Variants in USP31 observed in about 807,000 individuals in gnomAD.
The protein encoded by USP31 is ubiquitin specific peptidase 31, also known as ubiquitin carboxyl-terminal hydrolase 31.
USP31 carries 44 observed loss-of-function variants against 119.4 expected under a neutral mutation model. That is an observed-to-expected ratio of 0.37 (90% confidence interval 0.29 to 0.47). The LOEUF (loss-of-function observed/expected upper bound fraction) is 0.47, where lower values mean the gene tolerates loss of function less well. Ranked by LOEUF, USP31 falls within the 20% of genes least tolerant of loss-of-function variation. USP31 has a pLI of 0.99. For missense variants in USP31, 1,643 were observed against 1,730.2 expected, an observed-to-expected ratio of 0.95 and a Z score of 0.89; for synonymous variants, 749 against 705.6, an observed-to-expected ratio of 1.06 and a Z score of -0.97.
At chr16:23,118,765 C>T (rs1902575450) in intron 1 of USP31, among the ~76,000 whole-genome samples, 1 of 152,130 alleles carries the variant, frequency 6.6e-6, no homozygotes, top group African/African-American at 2.4e-5. Context: ...AGTGCTTATA[C>T]TGTATCAGGC....
chr16:23,126,317 C>CT (rs1902851017), intron 1 of USP31, among the ~76,000 whole-genome samples: 1 of 116,814 alleles, frequency 8.6e-6, no homozygotes, highest in Admixed American at 9.8e-5. Flanking sequence ...GACCCTGTCT[C>CT]TTTAAAAAAA....
chr16:23,085,611 G>C lies in USP31; in HGVS notation c.1674C>G (p.Val558=), dbSNP rs370735827. 17 of 1,613,882 alleles carry C rather than the reference G, an allele frequency of 1.1e-5. No individual in the cohort carries two copies. The African/African-American group carries it at 2.0e-4, about 19-fold the overall frequency. The part of the protein sequence containing the change: ...PGGTAHVKLV[V]EWDKETRDFL... ...AATCTCTTGTCTCCTTGTCCCACTCGACTACTAATTTCACATGAGCAGTGC... is the reference window on the plus strand; with the variant it reads ...AATCTCTTGTCTCCTTGTCCCACTCCACTACTAATTTCACATGAGCAGTGC... Residue 558 remains valine, a synonymous_variant, in exon 10 of 16, where the codon GTC becomes GTG. Transcript: ENST00000219689.
At chr16:23,147,849 C>A (rs1300775921) in intron 1 of USP31, among the ~76,000 whole-genome samples, 1 of 152,064 alleles carries the variant, frequency 6.6e-6, no homozygotes, top group Non-Finnish European at 1.5e-5. Context: ...GAAGGTGAGG[C>A]GGGAGGATTG....
At chr16:23,093,678 G>C (rs544192807) in intron 6 of USP31, among the ~76,000 whole-genome samples, 1 of 152,126 alleles carries the variant, frequency 6.6e-6, no homozygotes, top group South Asian at 2.1e-4. Flanking sequence ...CCATTCCTAG[G>C]TACATACCCA....
At chr16:23,134,530 C>T (rs1355970194) in intron 1 of USP31, among the ~76,000 whole-genome samples, 1 of 151,986 alleles carries the variant, frequency 6.6e-6, no homozygotes, top group African/African-American at 2.4e-5. Context: ...AGTGGTGCAG[C>T]CAGGATTTGA....
At chr16:23,132,894 CCTT>C (rs1405669507) in intron 1 of USP31, among the ~76,000 whole-genome samples, 1 of 152,178 alleles carries the variant, frequency 6.6e-6, no homozygotes, top group Admixed American at 6.5e-5. Context: ...ATCTCCTCCT[CCTT>C]ATCCACTCTT....
chr16:23,118,701 C>G (rs1902573520), intron 1 of USP31, among the ~76,000 whole-genome samples: 1 of 152,196 alleles, frequency 6.6e-6, no homozygotes, highest in Non-Finnish European at 1.5e-5. Context: ...TCCCCAATAC[C>G]TAGCAAATAC....
chr16:23,071,667 C>T (rs760668976), intron 15 of USP31, among the ~76,000 whole-genome samples: 3 of 151,680 alleles, frequency 2.0e-5, no homozygotes, highest in Non-Finnish European at 2.9e-5. Flanking sequence ...AGCCTGGAGC[C>T]GACTCCCCAC....
Position 23,064,835 on chromosome 16 carries a change from T to A in USP31, c.*3211A>T, listed in dbSNP as rs1900000859. ...CCATAAACGTTTGCAGAATGAATGA[T>A]GAAAACAAGATTGCAAAAGCGTGTC... On this transcript the variant is annotated 3_prime_UTR_variant, in exon 16 of 16. Coordinates refer to ENST00000219689, the MANE Select transcript of USP31 (RefSeq NM_020718.4). 1 of 138,660 alleles carries A rather than the reference T, an allele frequency of 7.2e-6. No individual in the cohort carries two copies. The highest frequency in any genetic ancestry group is 2.5e-5 in the African/African-American group (1 of 39,818). 8.6% of individuals were successfully genotyped at this position (138,660 alleles called of 1,614,324 possible). A position where few individuals can be genotyped will look rare whatever the true frequency, so the allele number is the denominator to read the frequency against.
At position 23,069,537 on chromosome 16, in the gene USP31, C is replaced by G. The variant is rs763759627; in HGVS notation, c.2568G>C (p.Leu856Phe). The G allele has an allele frequency of 2.4e-5, 38 of 1,614,002 alleles. No homozygotes were observed. Among genetic ancestry groups the G allele is most frequent in the Non-Finnish European group, 3.2e-5 (38 of 1,179,998 alleles). ...GTCTCATGCAATTTTCATTGACGGCCAAGGGGCTGGTGACAGAAGATCTGG... is the reference window on the plus strand; with the variant it reads ...GTCTCATGCAATTTTCATTGACGGCGAAGGGGCTGGTGACAGAAGATCTGG... ...LSSRSSVTSPLAVNENCMRPS... is the reference protein window; with the variant it reads ...LSSRSSVTSPFAVNENCMRPS... The change falls in exon 16 of 16, where the codon TTG (leucine) becomes TTC (phenylalanine). Residue 856 changes from leucine (L) to phenylalanine (F), a missense_variant. By Grantham distance (22) the Leu-to-Phe change is conservative. Coordinates refer to ENST00000219689, the MANE Select transcript of USP31 (RefSeq NM_020718.4).
intron 6 of USP31, among the ~76,000 whole-genome samples, chr16:23,101,916 A>G (rs531675945): frequency 2.0e-5 from 3 of 151,792 alleles, no homozygotes; most frequent in South Asian, 2.1e-4. Context: ...AGCAGGTACC[A>G]AGAAAACATT....
At position 23,148,783 on chromosome 16, in the gene USP31, G is replaced by A. The variant is rs753634637; in HGVS notation, c.488C>T (p.Ala163Val). 1.3e-6 allele frequency: 2 copies of A among 1,534,996 alleles called. No homozygotes were observed. Among genetic ancestry groups the A allele is most frequent in the African/African-American group, 1.4e-5 (1 of 69,540 alleles). Residue 163 changes from alanine (A) to valine (V), a missense_variant, in exon 1 of 16, where the codon GCG (alanine) becomes GTG (valine). Physicochemically the swap from Ala to Val is moderately conservative, Grantham distance 64. Coordinates refer to ENST00000219689, the MANE Select transcript of USP31 (RefSeq NM_020718.4). ...AEYLALGQYR[A>V]GRPEPSPDPE... is the part of the protein sequence containing the mutation. ...GTCAGGCGAGGGCTCGGGCCGCCCC[G>A]CCCGGTACTGGCCCAGCGCCAGGTA...
At chr16:23,084,829 A>G in intron 11 of USP31, 31 bp downstream of exon 11, 1 of 1,612,846 alleles carries the variant, frequency 6.2e-7, no homozygotes, top group Non-Finnish European at 8.5e-7. Context: ...CACTGCCCTG[A>G]GCAACCAAGA....
chr16:23,108,288 G>C, intron 1 of USP31, 105 bp from the exon 2 acceptor site: 1 of 1,450,540 alleles, frequency 6.9e-7, no homozygotes, highest in Admixed American at 2.5e-5. Context: ...AAGGGTGTTA[G>C]AGAATACTTC....
At position 23,149,405 on chromosome 16, in the gene USP31, C is replaced by T. The variant is rs1308967508; in HGVS notation, c.-135G>A. On this transcript the variant is annotated 5_prime_UTR_variant, in exon 1 of 16. Coordinates refer to ENST00000219689, the MANE Select transcript of USP31 (RefSeq NM_020718.4). ...CGCCCCACACACCTCAAAGCGCAGC[C>T]GAGCCAGCGAGCGAGCGGCGGCCGG... The T allele has an allele frequency of 2.1e-6, 2 of 963,860 alleles. No individual in the cohort carries two copies. The highest frequency in any genetic ancestry group is 3.5e-5 in the African/African-American group (2 of 56,376). 59.7% of individuals were successfully genotyped at this position (963,860 alleles called of 1,614,324 possible). A position where few individuals can be genotyped will look rare whatever the true frequency, so the allele number is the denominator to read the frequency against.
chr16:23,110,826 G>A (rs1902289772), intron 1 of USP31, among the ~76,000 whole-genome samples: 1 of 152,094 alleles, frequency 6.6e-6, no homozygotes, highest in South Asian at 2.1e-4. Flanking sequence ...TATTATATAT[G>A]GGAGTAAAGA....
At chr16:23,118,863 C>G (rs1567242200) in intron 1 of USP31, among the ~76,000 whole-genome samples, 1 of 151,930 alleles carries the variant, frequency 6.6e-6, no homozygotes, top group Admixed American at 6.6e-5. Flanking sequence ...ATCCCAGCTA[C>G]TCTACAGGCT....
At chr16:23,115,737 T>C (rs899667673) in intron 1 of USP31, 4 of 974,644 alleles carry the variant, frequency 4.1e-6, no homozygotes, top group African/African-American at 1.8e-5. Context: ...AGTTACTAAA[T>C]AATAAAGTAA....
At chr16:23,116,725 C>T (rs574762458) in intron 1 of USP31, among the ~76,000 whole-genome samples, 1 of 152,242 alleles carries the variant, frequency 6.6e-6, no homozygotes, top group East Asian at 1.9e-4. Flanking sequence ...GGCTGGAATG[C>T]CCTCCACCAC....
Sources: allele counts gnomAD v4.1 joint callset (sites outside exome capture counted in the v4.1 genomes callset), GRCh38; gene constraint gnomAD v4.1.1; transcripts MANE v1.5; gene names NCBI Gene and HGNC (gene_info 2026-07-23, HGNC 2026-07-21).